LTBP4: variants seen among roughly 807,000 people sequenced by gnomAD.
The protein encoded by LTBP4 is latent transforming growth factor beta binding protein 4, also known as latent-transforming growth factor beta-binding protein 4.
A neutral mutation model predicts 180.2 loss-of-function variants in LTBP4; 93 were observed. The observed-to-expected ratio is 0.52, with a 90% CI of 0.44 to 0.61. LTBP4 has a LOEUF of 0.61. LTBP4 is among the 20% of genes least tolerant of loss of function. The pLI, the probability that LTBP4 is intolerant of heterozygous loss-of-function variation, is 0.00. For synonymous variants in LTBP4, 947 were observed against 934.5 expected (o/e 1.01, Z -0.24); for missense variants, 2,116 against 2,256.5 (o/e 0.94, Z 1.26).
At chr19:40,607,561 C>G (rs1346975642) in intron 7 of LTBP4, 32 bp downstream of exon 7, 1 of 1,573,984 alleles carries the variant, frequency 6.4e-7, no homozygotes, top group Non-Finnish European at 8.6e-7. Flanking sequence ...TAGCCCTACG[C>G]GCAACACATG....
intron 19 of LTBP4, among the ~76,000 whole-genome samples, chr19:40,615,881 G>A (rs899754116): frequency 6.6e-6 from 1 of 152,180 alleles, no homozygotes; most frequent in Non-Finnish European, 1.5e-5. Flanking sequence ...CTAGAGAGGC[G>A]ACAGTTGGCA....
At chr19:40,614,993 A>G (rs1247379687) in intron 19 of LTBP4, among the ~76,000 whole-genome samples, 2 of 151,826 alleles carry the variant, frequency 1.3e-5, no homozygotes. Context: ...AGGGCTTTCC[A>G]TTCGCTCGGA....
upstream of LTBP4, among the ~76,000 whole-genome samples, chr19:40,596,948 T>G (rs903182621): frequency 3.3e-5 from 5 of 151,926 alleles, no homozygotes; most frequent in Non-Finnish European, 7.4e-5. Flanking sequence ...CACGAGAAGG[T>G]TCACGGAGCC....
At chr19:40,612,942 A>G in intron 15 of LTBP4, 123 bp from the exon 16 acceptor site, 2 of 941,936 alleles carry the variant, frequency 2.1e-6, no homozygotes, top group Admixed American at 4.5e-5. Flanking sequence ...TCTGCCATAG[A>G]GCCCTCCCCC....
At chr19:40,625,742 A>G (rs1428915758) in intron 26 of LTBP4, 115 bp from the exon 27 acceptor site, 3 of 897,192 alleles carry the variant, frequency 3.3e-6, no homozygotes, top group East Asian at 6.0e-5. Flanking sequence ...ACAGCTGATG[A>G]GAAGGATTTG....
Position 40,605,497 on chromosome 19 carries a change from G to A in LTBP4, c.535G>A (p.Glu179Lys), listed in dbSNP as rs756231997. 23 of 1,610,970 alleles carry A rather than the reference G, an allele frequency of 1.4e-5. No individual in the cohort carries two copies. The highest frequency in any genetic ancestry group is 1.8e-5 in the Non-Finnish European group (21 of 1,179,406). ...QVERVSGPWE[E>K]ADAEAVARAE... ...GGAGCGTGTGTCTGGCCCTTGGGAGGAGGCGGACGCTGAGGCGGTGGCGCG... is the reference window on the plus strand; with the variant it reads ...GGAGCGTGTGTCTGGCCCTTGGGAGAAGGCGGACGCTGAGGCGGTGGCGCG... The change falls in exon 3 of 30, where the codon GAG becomes AAG. Residue 179 changes from glutamate to lysine, a missense_variant. Glu to Lys is a moderately conservative substitution (Grantham distance 56, BLOSUM62 1). Transcript: ENST00000396819. The surrounding 1 kb of genome is among the most constrained non-coding windows in gnomAD (Gnocchi z 5.5).
At chr19:40,604,864 T>C (rs1001522864) in intron 1 of LTBP4, among the ~76,000 whole-genome samples, 171 bp from the exon 2 acceptor site, 1 of 152,172 alleles carries the variant, frequency 6.6e-6, no homozygotes, top group African/African-American at 2.4e-5. Context: ...ACCGTACCTC[T>C]GATGGCTGAA....
chr19:40,628,701 C>A (rs930791905), intron 29 of LTBP4, among the ~76,000 whole-genome samples: 2 of 152,152 alleles, frequency 1.3e-5, no homozygotes, highest in African/African-American at 4.8e-5. Context: ...CATTGAGAGT[C>A]ATGTGCAAAT....
rs1226379780 is a variant in LTBP4 at position 40,613,123 on chromosome 19, C to T, written c.2358C>T (p.Asn786=). 2 of 1,605,982 alleles carry T rather than the reference C, an allele frequency of 1.2e-6. No individual in the cohort carries two copies. Among genetic ancestry groups the T allele is most frequent in the South Asian group, 1.1e-5 (1 of 89,548 alleles). ...GTGGTCCCCACGGCCACTGCACTAACACCGAAGGCTCCTTCCGCTGCAGCT... is the reference window on the plus strand; with the variant it reads ...GTGGTCCCCACGGCCACTGCACTAATACCGAAGGCTCCTTCCGCTGCAGCT... The part of the protein sequence containing the change: ...PPCGPHGHCT[N]TEGSFRCSCA... Residue 786 remains asparagine (N), a synonymous_variant, in exon 16 of 30, where the codon AAC becomes AAT. Coordinates refer to ENST00000396819, the MANE Select transcript of LTBP4 (RefSeq NM_001042545.2). This position sits in a 1 kb window ranked among gnomAD's most constrained non-coding sequence, Gnocchi z 5.0.
At position 40,605,400 on chromosome 19, in the gene LTBP4, C is replaced by T; in HGVS notation, c.443-5C>T. On this transcript the variant is annotated splice_region_variant and splice_polypyrimidine_tract_variant and intron_variant, in intron 2 of 29. Transcript: ENST00000396819. This position sits in a 1 kb window ranked among gnomAD's most constrained non-coding sequence, Gnocchi z 5.5. ...CATCCGTTTGCCCGGCCGTGCCTCC[C>T]CTAGGCGTGGCATCTATGGTGAGCG... 1 of 1,612,810 alleles carries T rather than the reference C, an allele frequency of 6.2e-7. No individual in the cohort carries two copies. Among genetic ancestry groups the T allele is most frequent in the African/African-American group, 1.3e-5 (1 of 75,064 alleles).
intron 27 of LTBP4, among the ~76,000 whole-genome samples, chr19:40,626,481 A>G (rs931721606): frequency 2.0e-5 from 3 of 152,026 alleles, no homozygotes; most frequent in Non-Finnish European, 4.4e-5. Flanking sequence ...CCGGGTGCCT[A>G]AGACCCCAAC....
At chr19:40,599,855 C>G, upstream of LTBP4, 1 of 516,784 alleles carries the variant, frequency 1.9e-6, no homozygotes, top group Non-Finnish European at 3.4e-6. Flanking sequence ...CTCTCTGCCC[C>G]TTCTCTCTTT....
At chr19:40,599,184 C>G (rs2081406854), upstream of LTBP4, 4 of 1,600,710 alleles carry the variant, frequency 2.5e-6, no homozygotes, top group Non-Finnish European at 2.6e-6. Flanking sequence ...GACTTCCACT[C>G]CACTATTTAT....
Position 40,629,361 on chromosome 19 carries a change from A to C in LTBP4, c.4520-35A>C, listed in dbSNP as rs746693933. On this transcript the variant is annotated intron_variant, in intron 29 of 29. Transcript: ENST00000396819. This position sits in a 1 kb window ranked among gnomAD's most constrained non-coding sequence, Gnocchi z 4.5. ...CAAGGAGGCGAGCTTCTGGGGCCCCAGCCTTCAGCAGCGATCGTTGTCTCC... is the reference window on the plus strand; with the variant it reads ...CAAGGAGGCGAGCTTCTGGGGCCCCCGCCTTCAGCAGCGATCGTTGTCTCC... 1.9e-5 allele frequency: 30 copies of C among 1,611,158 alleles called. No individual in the cohort carries two copies. In the East Asian group the frequency reaches 6.3e-4, roughly 34 times the overall value.
In LTBP4 at chr19:40,609,916, C is replaced by G. The variant is rs1265149008; in HGVS notation, c.1684+45C>G. On this transcript the variant is annotated intron_variant, in intron 11 of 29. Coordinates refer to ENST00000396819, the MANE Select transcript of LTBP4 (RefSeq NM_001042545.2). The surrounding 1 kb of genome is among the most constrained non-coding windows in gnomAD (Gnocchi z 4.9). ...CGGCTCCAGGCCCACCCCAGGGTCT[C>G]GCTCCTGCTCTCACTCCAGAGCCTC... is the stretch of plus-strand genomic sequence containing the variant. The G allele has an allele frequency of 6.8e-7, 1 of 1,480,820 alleles. No individual in the cohort carries two copies. 91.7% of individuals were successfully genotyped at this position (1,480,820 alleles called of 1,614,324 possible).
At position 40,629,666 on chromosome 19, in the gene LTBP4, AC is replaced by A; in HGVS notation, c.*118del. ...CCGCCCGCCTGGACCTGGAGAAGGG[AC>A]CTACGGACGCCTGGAAGCTGCGACG... is the stretch of plus-strand genomic sequence containing the variant. On this transcript the variant is annotated 3_prime_UTR_variant, in exon 30 of 30. Transcript: ENST00000396819. The surrounding 1 kb of genome is among the most constrained non-coding windows in gnomAD (Gnocchi z 4.5). 9.1e-7 allele frequency: 1 copy of A among 1,100,200 alleles called. No homozygotes were observed. The highest frequency in any genetic ancestry group is 1.7e-5 in the African/African-American group (1 of 59,818). 68.2% of individuals were successfully genotyped at this position (1,100,200 alleles called of 1,614,324 possible).
chr19:40,622,267 G>A lies in LTBP4; in HGVS notation c.3218-134G>A. ...ACAGTGACAGAGGAGCGTGAGAGGT[G>A]TGGAGTCTGGTTCTGCCACTGATGG... On this transcript the variant is annotated intron_variant, in intron 22 of 29. Transcript: ENST00000396819. The surrounding 1 kb of genome is among the most constrained non-coding windows in gnomAD (Gnocchi z 5.1). 1 of 922,856 alleles carries A rather than the reference G, an allele frequency of 1.1e-6. No homozygotes were observed. Among genetic ancestry groups the A allele is most frequent in the Non-Finnish European group, 1.6e-6 (1 of 627,586 alleles). 57.2% of individuals were successfully genotyped at this position (922,856 alleles called of 1,614,324 possible).
chr19:40,597,184 T>G (rs923858608), upstream of LTBP4: 13 of 1,362,802 alleles, frequency 9.5e-6, no homozygotes, highest in Non-Finnish European at 1.1e-5. Context: ...GGGGCTAGCC[T>G]GACCCGCTGG....
chr19:40,611,830 C>T lies in LTBP4; in HGVS notation c.2054-29C>T, dbSNP rs765751705. On this transcript the variant is annotated intron_variant, in intron 13 of 29. Coordinates refer to ENST00000396819, the MANE Select transcript of LTBP4 (RefSeq NM_001042545.2). This position sits in a 1 kb window ranked among gnomAD's most constrained non-coding sequence, Gnocchi z 4.4. ...CATGGGAATGGATTCAGGCCCCTTCCTCAGCCTCATTGGTCCCCTCTGCCC... is the reference window on the plus strand; with the variant it reads ...CATGGGAATGGATTCAGGCCCCTTCTTCAGCCTCATTGGTCCCCTCTGCCC... 38 of 1,595,680 alleles carry T rather than the reference C, an allele frequency of 2.4e-5. No individual in the cohort carries two copies. The highest frequency in any genetic ancestry group is 1.7e-6 in the Non-Finnish European group (2 of 1,169,722).
Sources: gnomAD v4.1 joint callset for allele counts (sites outside exome capture counted in the v4.1 genomes callset) on GRCh38, gnomAD v4.1.1 for gene constraint, Gnocchi (gnomAD v3.1) non-coding constraint, MANE v1.5 for transcripts, NCBI Gene and HGNC (gene_info 2026-07-23, HGNC 2026-07-21) for gene names.